The following LIN9 variants were observed in gnomAD, a reference collection of about 807,000 sequenced individuals.
LIN9 encodes protein lin-9 homolog.
LIN9 carries 18 observed loss-of-function variants against 78.0 expected under a neutral mutation model. The ratio of observed to expected loss-of-function variants is 0.23; its 90% CI spans 0.16 to 0.34. The LOEUF is 0.34. LIN9 is among the 10% of genes least tolerant of loss of function. LIN9 has a pLI of 1.00. For missense variants in LIN9, 451 were observed against 644.1 expected, an observed-to-expected ratio of 0.70 and a Z score of 3.25; for synonymous variants, 192 against 215.2, an observed-to-expected ratio of 0.89 and a Z score of 0.94.
chr1:226,305,326 A>C (rs890100388), intron 1 of LIN9, among the ~76,000 whole-genome samples: 1 of 149,424 alleles, frequency 6.7e-6, no homozygotes, highest in Non-Finnish European at 1.5e-5. Context: ...AAAAAAAAAA[A>C]AAAAAAAAAA....
intron 12 of LIN9, among the ~76,000 whole-genome samples, chr1:226,238,371 C>T (rs1657874725): frequency 2.0e-5 from 3 of 152,122 alleles, no homozygotes; most frequent in Admixed American, 1.3e-4. Flanking sequence ...GTGGCTCACA[C>T]CTATATCTCA....
chr1:226,261,633 A>T (rs925087947), intron 10 of LIN9, among the ~76,000 whole-genome samples: 2 of 152,212 alleles, frequency 1.3e-5, no homozygotes, highest in African/African-American at 4.8e-5. Context: ...GAACTAAATA[A>T]ATAAGAGATA....
intron 7 of LIN9, among the ~76,000 whole-genome samples, chr1:226,275,965 T>C (rs937380167): frequency 2.0e-5 from 3 of 147,358 alleles, no homozygotes; most frequent in Admixed American, 6.7e-5. Flanking sequence ...GAGGTGGAGG[T>C]TGTAGTGAGC....
At chr1:226,286,953 T>C (rs915025118) in intron 5 of LIN9, among the ~76,000 whole-genome samples, 2 of 152,194 alleles carry the variant, frequency 1.3e-5, no homozygotes, top group African/African-American at 4.8e-5. Flanking sequence ...AAAACAATTC[T>C]ATTCATGAGT....
At chr1:226,260,670 T>G (rs1189894933) in intron 10 of LIN9, among the ~76,000 whole-genome samples, 1 of 120,310 alleles carries the variant, frequency 8.3e-6, no homozygotes, top group African/African-American at 3.1e-5. Flanking sequence ...TTTGAGACAG[T>G]GTCTTGCTCT....
rs146791418 is a variant in LIN9, at chr1:226,296,292, C to T, written c.160-346G>A. Among the ~76,000 whole-genome samples the T allele has an allele frequency of 8.1e-4, 123 of 152,264 alleles. 1 individual carries two copies. Among genetic ancestry groups the T allele is most frequent in the Non-Finnish European group, 1.3e-3 (88 of 68,030 alleles). On this transcript the variant is annotated intron_variant, in intron 3 of 14. Transcript: ENST00000681046. ...AATTATGTTGTTGCTTGGGTTAATA[C>T]CAATTGGGTGTGTGACATGATATGT...
At chr1:226,299,496 C>G (rs1662377779) in intron 2 of LIN9, among the ~76,000 whole-genome samples, 1 of 120,938 alleles carries the variant, frequency 8.3e-6, no homozygotes, top group East Asian at 2.6e-4. Context: ...CAAACCGAGA[C>G]TCAGTCTCAA....
chr1:226,287,582 A>T (rs1661449588), intron 5 of LIN9, 82 bp downstream of exon 5: 1 of 919,504 alleles, frequency 1.1e-6, no homozygotes, highest in East Asian at 2.9e-5. Flanking sequence ...GTAGACCTAT[A>T]GAAAATGTTG....
At chr1:226,305,736 G>C (rs1356280210) in intron 1 of LIN9, among the ~76,000 whole-genome samples, 1 of 152,110 alleles carries the variant, frequency 6.6e-6, no homozygotes. Context: ...GATAGAATGA[G>C]GGGACAAGTG....
At chr1:226,278,226 A>G (rs183568629) in intron 6 of LIN9, among the ~76,000 whole-genome samples, 1 of 152,010 alleles carries the variant, frequency 6.6e-6, no homozygotes, top group East Asian at 1.9e-4. Context: ...GTCAGGAGTT[A>G]GAGACCAGCC....
At chr1:226,250,739 A>T in intron 11 of LIN9, 100 bp downstream of exon 11, 1 of 647,114 alleles carries the variant, frequency 1.5e-6, no homozygotes, top group Non-Finnish European at 2.7e-6. Flanking sequence ...ATTTATCTGA[A>T]GGTTTCCTTC....
intron 10 of LIN9, among the ~76,000 whole-genome samples, chr1:226,252,362 C>A (rs556529054): frequency 3.3e-5 from 5 of 151,466 alleles, no homozygotes; most frequent in Admixed American, 1.3e-4. Context: ...GAACACAAAA[C>A]CACCTGTAAA....
At chr1:226,248,873 A>G (rs925475538) in intron 11 of LIN9, among the ~76,000 whole-genome samples, 1 of 152,226 alleles carries the variant, frequency 6.6e-6, no homozygotes, top group African/African-American at 2.4e-5. Flanking sequence ...CATAAATAAA[A>G]CAAATAATAA....
At chr1:226,258,097 T>C (rs958136197) in intron 10 of LIN9, among the ~76,000 whole-genome samples, 10 of 151,888 alleles carry the variant, frequency 6.6e-5, no homozygotes, top group African/African-American at 2.4e-4. Context: ...GGTGGGAGGA[T>C]TGCTTAAGTC....
rs551166878 is a variant in LIN9, at chr1:226,260,821, A to G, written c.1038+4712T>C. On this transcript the variant is annotated intron_variant, in intron 10 of 14. Coordinates refer to ENST00000681046, the MANE Select transcript of LIN9 (RefSeq NM_001366245.2). ...CACCACGCCTGGCTAATTTTTTTGT[A>G]TTTTTAGTAGAGACGGGGTTTCACC... is the stretch of plus-strand genomic sequence containing the variant. Among the ~76,000 whole-genome samples the G allele has an allele frequency of 3.6e-4, 54 of 151,342 alleles. No individual in the cohort carries two copies. The South Asian group carries it at 0.011, about 30-fold the overall frequency.
chr1:226,304,500 C>T (rs373135693), intron 1 of LIN9, among the ~76,000 whole-genome samples: 20 of 152,278 alleles, frequency 1.3e-4, no homozygotes, highest in African/African-American at 4.8e-4. Flanking sequence ...ATATAAAACA[C>T]GTACATAATA....
chr1:226,266,352 C>T lies in LIN9; in HGVS notation c.817-20G>A. On this transcript the variant is annotated intron_variant, in intron 8 of 14. Coordinates refer to ENST00000681046, the MANE Select transcript of LIN9 (RefSeq NM_001366245.2). ...ATTACTCTGAGAAAACAGAATAATT[C>T]ACAAAACTTAAAGAAATTTACCAAT... The T allele has an allele frequency of 1.3e-6, 2 of 1,572,116 alleles. No homozygotes were observed. Among genetic ancestry groups the T allele is most frequent in the Non-Finnish European group, 1.7e-6 (2 of 1,158,800 alleles).
At chr1:226,262,026 T>A (rs2102899363) in intron 10 of LIN9, among the ~76,000 whole-genome samples, 1 of 152,226 alleles carries the variant, frequency 6.6e-6, no homozygotes, top group South Asian at 2.1e-4. Context: ...TGGGCAACAG[T>A]GGAGAAAAGT....
At chr1:226,308,692 C>T (rs1430744154) in intron 1 of LIN9, 1 of 153,478 alleles carries the variant, frequency 6.5e-6, no homozygotes, top group Non-Finnish European at 1.5e-5. Context: ...CCCGAGCCCT[C>T]CCCCGGCCCC....
Sources: gnomAD v4.1 joint callset for allele counts (sites outside exome capture counted in the v4.1 genomes callset) on GRCh38, gnomAD v4.1.1 for gene constraint, MANE v1.5 for transcripts, NCBI Gene and HGNC (gene_info 2026-07-23, HGNC 2026-07-21) for gene names.